BTBD9: variants seen among roughly 807,000 people sequenced by gnomAD.
BTBD9 encodes BTB domain containing 9, also known as BTB/POZ domain-containing protein 9.
In BTBD9, 49 loss-of-function variants were observed where a neutral mutation model predicts 64.3. The observed-to-expected ratio is 0.76, with a 90% CI of 0.61 to 0.97. BTBD9 has a LOEUF of 0.97. BTBD9 is among the 50% of genes least tolerant of loss of function. BTBD9 has a pLI of 0.00. For synonymous variants in BTBD9, 260 were observed against 274.7 expected (o/e 0.95, Z 0.53); for missense variants, 598 against 762.1 (o/e 0.78, Z 2.53).
chr6:38,515,716 T>C (rs146050589), intron 6 of BTBD9, among the ~76,000 whole-genome samples: 1 of 152,310 alleles, frequency 6.6e-6, no homozygotes, highest in East Asian at 1.9e-4. Context: ...TGTCTATTAT[T>C]CTTGGTTTAG....
rs139425165 is a variant in BTBD9, at chr6:38,515,191, A to G, written c.1154+62409T>C. Among the ~76,000 whole-genome samples the G allele has an allele frequency of 4.0e-3, 605 of 152,334 alleles. 3 individuals are homozygous for G. Among genetic ancestry groups the G allele is most frequent in the African/African-American group, 0.014 (570 of 41,572 alleles). On this transcript the variant is annotated intron_variant, in intron 6 of 10. Coordinates refer to ENST00000481247, the MANE Select transcript of BTBD9 (RefSeq NM_001099272.2). Reference sequence around the variant, plus strand: ...GCAGAATATTACTTCTATTCCACAGACTTTCTATATGAACTGTTAAATCCA... The same window carrying G: ...GCAGAATATTACTTCTATTCCACAGGCTTTCTATATGAACTGTTAAATCCA...
chr6:38,533,065 T>G (rs1355549165), intron 6 of BTBD9, among the ~76,000 whole-genome samples: 1 of 151,656 alleles, frequency 6.6e-6, no homozygotes, highest in Non-Finnish European at 1.5e-5. Flanking sequence ...TGAATGTAAA[T>G]GGACTAAACT....
At position 38,217,683 on chromosome 6, in the gene BTBD9, TA is replaced by T. The variant is rs1763053873; in HGVS notation, c.1563-25087del. Among the ~76,000 whole-genome samples, 3 of 150,636 alleles carry T rather than the reference TA, an allele frequency of 2.0e-5. No homozygotes were observed. The South Asian group carries it at 6.3e-4, about 31-fold the overall frequency. On this transcript the variant is annotated intron_variant, in intron 9 of 10. Transcript: ENST00000481247. Reference sequence around the variant, plus strand: ...CCCAGTTTGGTTTTTTAAACATTATTATTTTTTTCTTTTTTCTTTTTTTTTT... The same window carrying T: ...CCCAGTTTGGTTTTTTAAACATTATTTTTTTTTCTTTTTTCTTTTTTTTTT...
At chr6:38,334,601 A>ATAACATAACATAACT (rs1763812259) in intron 7 of BTBD9, among the ~76,000 whole-genome samples, 2 of 144,820 alleles carry the variant, frequency 1.4e-5, no homozygotes, top group South Asian at 4.3e-4. Context: ...ATAACATAAC[A>ATAACATAACATAACT]TAACATAACA....
intron 6 of BTBD9, among the ~76,000 whole-genome samples, chr6:38,405,509 T>A (rs886255353): frequency 6.6e-5 from 10 of 152,124 alleles, no homozygotes; most frequent in African/African-American, 2.4e-5. Flanking sequence ...CAGATTCATA[T>A]TCAGAAATTT....
In BTBD9 at chr6:38,184,238, A is replaced by G. The variant is rs554443584; in HGVS notation, c.1641+8281T>C. 6.6e-6 allele frequency among the ~76,000 whole-genome samples: 1 copy of G among 152,242 alleles called. No individual in the cohort carries two copies. The highest frequency in any genetic ancestry group is 2.4e-5 in the African/African-American group (1 of 41,532). On this transcript the variant is annotated intron_variant, in intron 10 of 10. Transcript: ENST00000481247. The surrounding 1 kb of genome is among the most constrained non-coding windows in gnomAD (Gnocchi z 4.4). Reference sequence around the variant, plus strand: ...CACTCTTGCCTCCTAAACTGGTACAATGCAGATTCACAGGTACCAGGCTGC... The same window carrying G: ...CACTCTTGCCTCCTAAACTGGTACAGTGCAGATTCACAGGTACCAGGCTGC...
intron 6 of BTBD9, among the ~76,000 whole-genome samples, chr6:38,419,451 G>T (rs1389367549): frequency 6.6e-6 from 1 of 152,190 alleles, no homozygotes; most frequent in Non-Finnish European, 1.5e-5. Context: ...TTTCATTTAT[G>T]AGACCTGTCA....
At chr6:38,609,632 C>T (rs764263877) in intron 1 of BTBD9, among the ~76,000 whole-genome samples, 7 of 152,150 alleles carry the variant, frequency 4.6e-5, no homozygotes, top group East Asian at 3.8e-4. Context: ...GGGTAGTGGA[C>T]GGTTCTTCTG....
chr6:38,330,053 CT>C (rs147264863), intron 7 of BTBD9, among the ~76,000 whole-genome samples: 2 of 150,324 alleles, frequency 1.3e-5, no homozygotes, highest in South Asian at 4.2e-4. Context: ...TTTTTCTTTT[CT>C]TTTTTTTTGT....
chr6:38,565,324 A>G (rs575416492), intron 6 of BTBD9, among the ~76,000 whole-genome samples: 1 of 152,324 alleles, frequency 6.6e-6, no homozygotes, highest in South Asian at 2.1e-4. Flanking sequence ...AAGATGTTTA[A>G]CAGCATCTGT....
At chr6:38,360,064 T>C (rs1170971586) in intron 6 of BTBD9, among the ~76,000 whole-genome samples, 5 of 152,208 alleles carry the variant, frequency 3.3e-5, no homozygotes, top group Admixed American at 1.3e-4. Flanking sequence ...TGGATAATTA[T>C]ATACTGTGCT....
At chr6:38,385,119 T>A (rs926056618) in intron 6 of BTBD9, among the ~76,000 whole-genome samples, 2 of 149,822 alleles carry the variant, frequency 1.3e-5, no homozygotes, top group Admixed American at 6.7e-5. Flanking sequence ...CATTTGGATC[T>A]AGGGTTAATA....
intron 7 of BTBD9, among the ~76,000 whole-genome samples, chr6:38,329,693 G>A (rs1199298688): frequency 5.3e-5 from 8 of 152,008 alleles, no homozygotes; most frequent in Non-Finnish European, 1.2e-4. Flanking sequence ...AGTGGCTCAC[G>A]CATGTAATCT....
intron 9 of BTBD9, among the ~76,000 whole-genome samples, chr6:38,248,484 G>C (rs1005700942): frequency 2.6e-5 from 4 of 152,152 alleles, no homozygotes; most frequent in Non-Finnish European, 5.9e-5. Flanking sequence ...ACTATTCAAC[G>C]GGACCATGAC....
chr6:38,620,160 C>T (rs546291836), intron 1 of BTBD9, among the ~76,000 whole-genome samples: 4 of 152,218 alleles, frequency 2.6e-5, no homozygotes, highest in Admixed American at 1.3e-4. Flanking sequence ...TGCAGCAGTC[C>T]CTGCAATACC....
At chr6:38,626,335 T>C (rs1039498740) in intron 1 of BTBD9, among the ~76,000 whole-genome samples, 1 of 152,230 alleles carries the variant, frequency 6.6e-6, no homozygotes, top group African/African-American at 2.4e-5. Context: ...TTTTAGTTAT[T>C]TTTTAAATGT....
At chr6:38,569,248 T>G (rs1775651916) in intron 6 of BTBD9, among the ~76,000 whole-genome samples, 1 of 152,208 alleles carries the variant, frequency 6.6e-6, no homozygotes, top group African/African-American at 2.4e-5. Context: ...GGCCACTGTG[T>G]CTTGTTCATC....
intron 6 of BTBD9, among the ~76,000 whole-genome samples, chr6:38,537,246 GT>G (rs1562311696): frequency 6.6e-6 from 1 of 152,136 alleles, no homozygotes; most frequent in Non-Finnish European, 1.5e-5. Context: ...AAAAAACAGA[GT>G]TAAACGATCC....
At chr6:38,488,603 G>A (rs140657966) in intron 6 of BTBD9, among the ~76,000 whole-genome samples, 8 of 152,268 alleles carry the variant, frequency 5.3e-5, no homozygotes, top group African/African-American at 9.6e-5. Flanking sequence ...ACAGAGACAT[G>A]CTCTGCAAAC....
Sources: allele counts gnomAD v4.1 joint callset (sites outside exome capture counted in the v4.1 genomes callset), GRCh38; gene constraint gnomAD v4.1.1; non-coding constraint Gnocchi (gnomAD v3.1); transcripts MANE v1.5; gene names NCBI Gene and HGNC (gene_info 2026-07-23, HGNC 2026-07-21).